The following ROR2 variants were observed in gnomAD, a reference collection of about 807,000 sequenced individuals.
ROR2 encodes the protein ROR family WNT receptor 2.
A neutral mutation model predicts 74.9 loss-of-function variants in ROR2; 33 were observed. The ratio of observed to expected loss-of-function variants is 0.44; its 90% CI spans 0.33 to 0.59. The LOEUF is 0.59. ROR2 is among the 20% of genes least tolerant of loss of function. The pLI is 0.02. For synonymous variants in ROR2, 586 were observed against 558.7 expected (o/e 1.05, Z -0.69); for missense variants, 1,216 against 1,313.8 (o/e 0.93, Z 1.15).
intron 5 of ROR2, among the ~76,000 whole-genome samples, chr9:91,737,085 G>T (rs1490243191): frequency 6.6e-6 from 1 of 152,224 alleles, no homozygotes; most frequent in East Asian, 1.9e-4. Flanking sequence ...GGGGCAGGAG[G>T]CCCTGGCGTT....
chr9:91,912,036 A>G (rs892682177), intron 1 of ROR2, among the ~76,000 whole-genome samples: 9 of 152,178 alleles, frequency 5.9e-5, no homozygotes, highest in Non-Finnish European at 1.3e-4. Context: ...AAACAAGGCA[A>G]TACTGAGGAA....
intron 1 of ROR2, among the ~76,000 whole-genome samples, chr9:91,873,162 CCT>C (rs1253759290): frequency 1.3e-5 from 2 of 151,074 alleles, no homozygotes; most frequent in Non-Finnish European, 2.9e-5. Flanking sequence ...TTCACCCTCC[CCT>C]GTCATTCTTG....
chr9:91,828,672 C>A (rs1241418186), intron 1 of ROR2, among the ~76,000 whole-genome samples: 3 of 152,156 alleles, frequency 2.0e-5, no homozygotes, highest in African/African-American at 7.2e-5. Flanking sequence ...CAAGATTGTA[C>A]CACTGCACTC....
chr9:91,724,078 C>G lies in ROR2; in HGVS notation c.2416G>C (p.Gly806Arg). 1 of 1,611,142 alleles carries G rather than the reference C, an allele frequency of 6.2e-7. No individual in the cohort carries two copies. The highest frequency in any genetic ancestry group is 8.5e-7 in the Non-Finnish European group (1 of 1,179,824). ...FPQPQFIPMK[G>R]QIRPMVPPPQ... ...GGGGGCACCATGGGTCTGATCTGGC[C>G]CTTCATGGGGATGAACTGGGGCTGT... The change falls in exon 9 of 9, where the codon GGC (glycine) becomes CGC (arginine). Residue 806 changes from glycine to arginine, a missense_variant. Gly to Arg is a moderately radical substitution (Grantham distance 125, BLOSUM62 -2). Coordinates refer to ENST00000375708, the MANE Select transcript of ROR2 (RefSeq NM_004560.4).
chr9:91,845,290 T>C (rs1184876952), intron 1 of ROR2, among the ~76,000 whole-genome samples: 1 of 152,102 alleles, frequency 6.6e-6, no homozygotes, highest in Non-Finnish European at 1.5e-5. Context: ...GGTAAGTCTC[T>C]TCTAGGGATG....
intron 1 of ROR2, among the ~76,000 whole-genome samples, chr9:91,808,863 C>T (rs1457689018): frequency 1.3e-5 from 2 of 150,674 alleles, no homozygotes; most frequent in African/African-American, 2.4e-5. Flanking sequence ...ATTAGCCGGG[C>T]GTGGTGGCAC....
intron 4 of ROR2, among the ~76,000 whole-genome samples, chr9:91,748,276 C>CA (rs528004025): frequency 0.11 from 15,032 of 134,818 alleles, 1,209 homozygotes; most frequent in African/African-American, 0.24. Context: ...GACGCTGTCT[C>CA]AAAAAAAAAA....
At chr9:91,773,315 C>G (rs1351890274) in intron 2 of ROR2, among the ~76,000 whole-genome samples, 1 of 152,140 alleles carries the variant, frequency 6.6e-6, no homozygotes, top group African/African-American at 2.4e-5. Context: ...CATCACTCGC[C>G]CCCTCCCCCT....
chr9:91,799,688 C>G (rs1827309275), intron 1 of ROR2, among the ~76,000 whole-genome samples: 1 of 152,240 alleles, frequency 6.6e-6, no homozygotes, highest in African/African-American at 2.4e-5. Flanking sequence ...CTCCAGCTTA[C>G]TGAACTGTGT....
rs34687056 is a variant in ROR2, at chr9:91,829,549, C to CAAAAAAAAAAAAAAAAAAAA, written c.98-53751_98-53732dup. 7.4e-5 allele frequency among the ~76,000 whole-genome samples: 3 copies of CAAAAAAAAAAAAAAAAAAAA among 40,512 alleles called. 1 individual carries two copies. Among genetic ancestry groups the CAAAAAAAAAAAAAAAAAAAA allele is most frequent in the African/African-American group, 2.9e-4 (3 of 10,194 alleles). 26.6% of individuals were successfully genotyped at this position (40,512 alleles called of 152,430 possible). ...TGGGTGACACAGCGAGACTCCGTCTCAAAAAAAAAAAAAAAAAAAAAAAAG... is the reference window on the plus strand; with the variant it reads ...TGGGTGACACAGCGAGACTCCGTCTCAAAAAAAAAAAAAAAAAAAAAAAAAAAAAAAAAAAAAAAAAAAAG... On this transcript the variant is annotated intron_variant, in intron 1 of 8. Coordinates refer to ENST00000375708, the MANE Select transcript of ROR2 (RefSeq NM_004560.4).
chr9:91,811,471 A>G (rs10992121), intron 1 of ROR2, among the ~76,000 whole-genome samples: 29,581 of 152,194 alleles, frequency 0.19, 5,947 homozygotes, highest in African/African-American at 0.5. Flanking sequence ...ATTTCTGGAT[A>G]TTTTGACATC....
intron 1 of ROR2, among the ~76,000 whole-genome samples, chr9:91,813,317 C>A (rs886757873): frequency 6.6e-6 from 1 of 152,186 alleles, no homozygotes; most frequent in Non-Finnish European, 1.5e-5. Flanking sequence ...TTCCCATAAC[C>A]TAAACTTTCA....
intron 1 of ROR2, among the ~76,000 whole-genome samples, chr9:91,792,366 A>C (rs542872742): frequency 8.6e-6 from 1 of 115,926 alleles, no homozygotes; most frequent in Non-Finnish European, 1.7e-5. Context: ...GGAGTGCAGT[A>C]GTGCAATCTC....
intron 1 of ROR2, among the ~76,000 whole-genome samples, chr9:91,851,715 G>A (rs1348886458): frequency 1.3e-5 from 2 of 152,082 alleles, no homozygotes; most frequent in Admixed American, 1.3e-4. Context: ...GGTGGTTCAT[G>A]CCTGTAATCC....
intron 1 of ROR2, among the ~76,000 whole-genome samples, chr9:91,876,355 C>T (rs1404724741): frequency 6.9e-6 from 1 of 144,458 alleles, no homozygotes; most frequent in Non-Finnish European, 1.5e-5. Context: ...GGCGGCAGAG[C>T]CAGACTCTGT....
intron 1 of ROR2, among the ~76,000 whole-genome samples, chr9:91,949,262 A>C (rs1832102661): frequency 1.3e-5 from 2 of 151,288 alleles, no homozygotes; most frequent in South Asian, 4.2e-4. Flanking sequence ...GACCAACAAA[A>C]GGGATGCCAA....
At chr9:91,763,963 A>G (rs1357146700) in intron 2 of ROR2, among the ~76,000 whole-genome samples, 1 of 152,224 alleles carries the variant, frequency 6.6e-6, no homozygotes, top group Non-Finnish European at 1.5e-5. Context: ...CTTATTCTAC[A>G]TTCATGGCAG....
chr9:91,732,442 GC>G (rs893742379), intron 6 of ROR2, among the ~76,000 whole-genome samples: 9 of 152,214 alleles, frequency 5.9e-5, no homozygotes, highest in African/African-American at 1.9e-4. Context: ...CCACACCCAG[GC>G]CCCGGGCTCA....
intron 1 of ROR2, among the ~76,000 whole-genome samples, chr9:91,872,386 A>G (rs12554669): frequency 0.028 from 4,328 of 152,308 alleles, 156 homozygotes; most frequent in Admixed American, 0.11. Context: ...AGCCTGACAA[A>G]TGTCCATGAA....
Sources: gnomAD v4.1 joint callset for allele counts (sites outside exome capture counted in the v4.1 genomes callset) on GRCh38, gnomAD v4.1.1 for gene constraint, MANE v1.5 for transcripts, NCBI Gene and HGNC (gene_info 2026-07-23, HGNC 2026-07-21) for gene names.